The following KDM4C variants were observed in gnomAD, a reference collection of about 807,000 sequenced individuals.
KDM4C encodes lysine demethylase 4C.
Under a neutral mutation model 129.3 loss-of-function variants are expected in KDM4C, and 81 were observed. The observed-to-expected ratio is 0.63, with a 90% CI of 0.52 to 0.75. KDM4C has a LOEUF of 0.75. Ranked by LOEUF, KDM4C falls within the 30% of genes least tolerant of loss-of-function variation. KDM4C has a pLI of 0.00. For synonymous variants in KDM4C, 573 were observed against 456.1 expected (o/e 1.26, Z -3.26); for missense variants, 1,457 against 1,304.0 (o/e 1.12, Z -1.81).
rs570770871 is a variant in KDM4C at position 6,793,233 on chromosome 9, T to C, written c.144+101T>C. ...GGACATTGTTTCTGAAGGAAGAAAT[T>C]TGCAAAATCTTTGTTCTCGTTAATC... On this transcript the variant is annotated intron_variant, in intron 2 of 21. Coordinates refer to ENST00000381309, the MANE Select transcript of KDM4C (RefSeq NM_015061.6). 4.8e-6 allele frequency: 6 copies of C among 1,262,230 alleles called. No homozygotes were observed. In the South Asian group the frequency reaches 5.7e-5, roughly 12 times the overall value. 78.2% of individuals were successfully genotyped at this position (1,262,230 alleles called of 1,614,324 possible).
intron 2 of KDM4C, among the ~76,000 whole-genome samples, chr9:6,801,575 T>A (rs909134526): frequency 1.3e-5 from 2 of 151,292 alleles, no homozygotes; most frequent in African/African-American, 4.9e-5. Flanking sequence ...GGAGGGCAAG[T>A]TACAGGATAA....
chr9:7,073,421 A>C (rs1833480969), intron 17 of KDM4C, among the ~76,000 whole-genome samples: 1 of 152,194 alleles, frequency 6.6e-6, no homozygotes, highest in Non-Finnish European at 1.5e-5. Context: ...ATAATAGTTG[A>C]AGAGCTGTGT....
intron 17 of KDM4C, among the ~76,000 whole-genome samples, chr9:7,055,440 C>G (rs1461214709): frequency 6.6e-6 from 1 of 152,178 alleles, no homozygotes. Context: ...GAGTGAAGAA[C>G]ATTATTTTGA....
intron 4 of KDM4C, chr9:6,834,335 C>T (rs955784753): frequency 1.3e-4 from 38 of 302,046 alleles, no homozygotes; most frequent in African/African-American, 3.3e-4. Flanking sequence ...CCCATCTGGC[C>T]GATAGTCTCT....
At chr9:6,823,904 G>A (rs1258313635) in intron 4 of KDM4C, among the ~76,000 whole-genome samples, 1 of 152,114 alleles carries the variant, frequency 6.6e-6, no homozygotes, top group African/African-American at 2.4e-5. Flanking sequence ...CTTTCTCCTC[G>A]GGTTTTTCTA....
chr9:6,746,731 A>G lies in KDM4C; in HGVS notation c.49+25734A>G, dbSNP rs541132285. On this transcript the variant is annotated intron_variant, in intron 1 of 17. Coordinates refer to the KDM4C transcript ENST00000536108. ...CTCGTCTCTAAGAAAAAAACAGGCC[A>G]GGCGCGGTGGCTCACGCCTGTAATC... is the stretch of plus-strand genomic sequence containing the variant. 6.7e-5 allele frequency among the ~76,000 whole-genome samples: 10 copies of G among 150,136 alleles called. No homozygotes were observed. The East Asian group carries it at 1.6e-3, about 24-fold the overall frequency.
At chr9:6,909,629 A>C (rs1298264162) in intron 8 of KDM4C, among the ~76,000 whole-genome samples, 1 of 152,208 alleles carries the variant, frequency 6.6e-6, no homozygotes, top group Non-Finnish European at 1.5e-5. Context: ...AAAAATAAAA[A>C]TAAGCTTTCA....
At chr9:6,903,786 G>A (rs6477124) in intron 8 of KDM4C, among the ~76,000 whole-genome samples, 67,630 of 151,818 alleles carry the variant, frequency 0.45, 15,571 homozygotes, top group Middle Eastern at 0.59. Flanking sequence ...ATATTTAATG[G>A]CACCCTTTCT....
At chr9:6,730,965 G>T (rs1431264108) in intron 1 of KDM4C, among the ~76,000 whole-genome samples, 1 of 152,134 alleles carries the variant, frequency 6.6e-6, no homozygotes. Context: ...GTTGCAGCTT[G>T]ACCAAAAGGA....
intron 19 of KDM4C, among the ~76,000 whole-genome samples, chr9:7,151,144 C>T (rs959715311): frequency 1.3e-5 from 2 of 151,880 alleles, no homozygotes; most frequent in Non-Finnish European, 2.9e-5. Flanking sequence ...GACCTTGTCT[C>T]TATAAAAAGC....
Position 6,817,208 on chromosome 9 carries a change from CT to C in KDM4C, c.435+2476del, listed in dbSNP as rs1554701674. Among the ~76,000 whole-genome samples, 409 of 94,890 alleles carry C rather than the reference CT, an allele frequency of 4.3e-3. 1 individual carries two copies. The highest frequency in any genetic ancestry group is 0.013 in the African/African-American group (337 of 26,054). 62.3% of individuals were successfully genotyped at this position (94,890 alleles called of 152,430 possible). A position where few individuals can be genotyped will look rare whatever the true frequency, so the allele number is the denominator to read the frequency against. On this transcript the variant is annotated intron_variant, in intron 4 of 21. Transcript: ENST00000381309. ...GCCCCTCCCCCTGCCCCCCCCCCCA[CT>C]TTTTTTTTTTTTGAGACAGTCTTGT...
At chr9:6,729,139 G>T (rs1817241626) in intron 1 of KDM4C, among the ~76,000 whole-genome samples, 1 of 78,774 alleles carries the variant, frequency 1.3e-5, no homozygotes. Context: ...GGGAAGCAGA[G>T]GTTGCAGTGA....
At chr9:6,801,428 G>A (rs907784475) in intron 2 of KDM4C, among the ~76,000 whole-genome samples, 5 of 150,712 alleles carry the variant, frequency 3.3e-5, no homozygotes, top group African/African-American at 1.2e-4. Context: ...TAGTGGAGAC[G>A]GGGTTTCACT....
In KDM4C at chr9:7,079,150, A is replaced by G. The variant is rs114178357; in HGVS notation, c.2425-24535A>G. On this transcript the variant is annotated intron_variant, in intron 17 of 21. Transcript: ENST00000381309. ...GTTCCTGTATGTCTGCCAGGGGCCA[A>G]CCTTGGAAGCAGAACTTTCAAGGCA... Among the ~76,000 whole-genome samples the G allele has an allele frequency of 1.0e-2, 1,523 of 152,336 alleles. 23 individuals are homozygous for G. The highest frequency in any genetic ancestry group is 0.035 in the African/African-American group (1,448 of 41,562).
At position 6,777,683 on chromosome 9, in the gene KDM4C, G is replaced by A. The variant is rs142502366; in HGVS notation, c.-17-15289G>A. ...GTCTTGCTCTGTCGCCCAGTCTGGA[G>A]TGCAGTGGCGCGATCTTGGTTCACC... On this transcript the variant is annotated intron_variant, in intron 1 of 21. Coordinates refer to ENST00000381309, the MANE Select transcript of KDM4C (RefSeq NM_015061.6). 1.1e-4 allele frequency among the ~76,000 whole-genome samples: 16 copies of A among 152,184 alleles called. No homozygotes were observed. In the East Asian group the frequency reaches 2.9e-3, roughly 28 times the overall value.
intron 8 of KDM4C, chr9:6,941,496 G>A (rs928640844): frequency 2.0e-5 from 3 of 152,142 alleles, no homozygotes; most frequent in African/African-American, 7.2e-5. Flanking sequence ...CAGAACATAT[G>A]ATAGAATAAT....
rs375849631 is a variant in KDM4C, at chr9:7,166,079, A to AT, written c.2901+725dup. ...CTTCAGAAAGGTTTTAAAAGGGGAC[A>AT]TTTAGAGCCAATACATTGTAGAATT... On this transcript the variant is annotated intron_variant, in intron 20 of 21. Transcript: ENST00000381309. Among the ~76,000 whole-genome samples the AT allele has an allele frequency of 1.8e-3, 278 of 152,358 alleles. 1 individual carries two copies. The highest frequency in any genetic ancestry group is 6.4e-3 in the African/African-American group (268 of 41,594).
At chr9:6,721,958 G>C (rs1248582717) in intron 1 of KDM4C, among the ~76,000 whole-genome samples, 1 of 152,136 alleles carries the variant, frequency 6.6e-6, no homozygotes, top group African/African-American at 2.4e-5. Context: ...CTGGGTGCAA[G>C]CAATCCTCTT....
At chr9:7,159,178 T>G (rs1843513750) in intron 19 of KDM4C, among the ~76,000 whole-genome samples, 1 of 152,232 alleles carries the variant, frequency 6.6e-6, no homozygotes, top group African/African-American at 2.4e-5. Context: ...GCTTTCCATT[T>G]GCTTGGTAGA....
Sources: gnomAD v4.1 joint callset for allele counts (sites outside exome capture counted in the v4.1 genomes callset) on GRCh38, gnomAD v4.1.1 for gene constraint, MANE v1.5 for transcripts, NCBI Gene and HGNC (gene_info 2026-07-23, HGNC 2026-07-21) for gene names.